GANC: variants seen among roughly 807,000 people sequenced by gnomAD.
The protein encoded by GANC is neutral alpha-glucosidase C.
Under a neutral mutation model 124.2 loss-of-function variants are expected in GANC, and 117 were observed. That is an observed-to-expected ratio of 0.94 (90% CI 0.81 to 1.10). The LOEUF is 1.10. Among genes scored for constraint, GANC ranks in the 50% least tolerant of loss-of-function variants. The pLI is 0.00. For synonymous variants in GANC, 377 were observed against 376.8 expected (o/e 1.00, Z -0.01); for missense variants, 1,140 against 1,095.0 (o/e 1.04, Z -0.58).
intron 11 of GANC, among the ~76,000 whole-genome samples, chr15:42,323,273 G>A (rs907389810): frequency 1.3e-5 from 2 of 152,116 alleles, no homozygotes; most frequent in Non-Finnish European, 2.9e-5. Context: ...ATTTAATGAG[G>A]CCTTGAACCT....
intron 14 of GANC, 47 bp downstream of exon 14, chr15:42,329,496 T>C: frequency 6.4e-7 from 1 of 1,562,848 alleles, no homozygotes. Context: ...GACCCACCTT[T>C]TGGCTGAAGG....
rs1031171280 is a variant in GANC, at chr15:42,352,616, G to A, written c.*477G>A. 47 of 1,000,732 alleles carry A rather than the reference G, an allele frequency of 4.7e-5. No individual in the cohort carries two copies. Among genetic ancestry groups the A allele is most frequent in the Non-Finnish European group, 5.1e-5 (43 of 838,098 alleles). 62.0% of individuals were successfully genotyped at this position (1,000,732 alleles called of 1,614,324 possible). ...AGTTATCTTCCACCCACATGGACTG[G>A]GCAGAGCAGCCCTCTTCTGTGTGCA... On this transcript the variant is annotated 3_prime_UTR_variant, in exon 24 of 24. Transcript: ENST00000318010.
chr15:42,346,160 G>A (rs1048504967), intron 20 of GANC, among the ~76,000 whole-genome samples: 1 of 152,112 alleles, frequency 6.6e-6, no homozygotes, highest in Admixed American at 6.6e-5. Context: ...TTTAACCTTA[G>A]TTAACTCCAT....
intron 10 of GANC, among the ~76,000 whole-genome samples, chr15:42,311,248 G>A (rs115303781): frequency 0.017 from 2,538 of 152,218 alleles, 74 homozygotes; most frequent in African/African-American, 0.059. Flanking sequence ...ACAAGACAAG[G>A]CATTGCATTT....
rs202246273 is a variant in GANC at position 42,348,074 on chromosome 15, G to C, written c.2305-29G>C. On this transcript the variant is annotated intron_variant, in intron 20 of 23. Transcript: ENST00000318010. Reference sequence around the variant, plus strand: ...CTTGAAATTTTCTTATATGAATACTGCTTCCCTGAGCGTGCTGCTCTGTTA... The same window carrying C: ...CTTGAAATTTTCTTATATGAATACTCCTTCCCTGAGCGTGCTGCTCTGTTA... 2.8e-4 allele frequency: 348 copies of C among 1,249,304 alleles called. No individual in the cohort carries two copies. In the African/African-American group the frequency reaches 4.9e-3, roughly 18 times the overall value. The allele number at this position is 1,249,304 out of a possible 1,614,324, so 77.4% of individuals were successfully genotyped here.
intron 6 of GANC, among the ~76,000 whole-genome samples, chr15:42,301,993 C>G (rs1055752663): frequency 2.8e-4 from 42 of 152,324 alleles, no homozygotes; most frequent in South Asian, 1.0e-3. Flanking sequence ...GCACAGTGCT[C>G]GAGCTCTGCT....
At chr15:42,324,142 A>G (rs1659217) in intron 11 of GANC, among the ~76,000 whole-genome samples, 109,265 of 151,774 alleles carry the variant, frequency 0.72, 42,139 homozygotes, top group Non-Finnish European at 0.87. Flanking sequence ...CATCTCTCCA[A>G]AGAAGATACA....
intron 17 of GANC, 72 bp from the exon 18 acceptor site, chr15:42,340,614 AAAAC>A: frequency 5.7e-6 from 7 of 1,227,572 alleles, no homozygotes; most frequent in African/African-American, 1.6e-5. Context: ...AAAAAAAAAA[AAAAC>A]TAAAAATATA....
Position 42,352,389 on chromosome 15 carries a change from CATTT to C in GANC, c.*253_*256del. Reference sequence around the variant, plus strand: ...TTCTCCCTGATACATAGCCCTGAGACATTTATAGCGTTCAGGAGTCTTCTATTGC... The same window carrying C: ...TTCTCCCTGATACATAGCCCTGAGACATAGCGTTCAGGAGTCTTCTATTGC... On this transcript the variant is annotated 3_prime_UTR_variant, in exon 24 of 24. Transcript: ENST00000318010. 1 of 1,267,254 alleles carries C rather than the reference CATTT, an allele frequency of 7.9e-7. No individual in the cohort carries two copies. The allele number at this position is 1,267,254 out of a possible 1,614,324, so 78.5% of individuals were successfully genotyped here.
chr15:42,337,151 A>G (rs139568175), intron 15 of GANC, among the ~76,000 whole-genome samples: 3 of 152,324 alleles, frequency 2.0e-5, no homozygotes, highest in African/African-American at 7.2e-5. Flanking sequence ...CCAAAGGAAT[A>G]CAAATCATTC....
In GANC at chr15:42,310,722, T is replaced by C. The variant is rs754020623; in HGVS notation, c.933T>C (p.Ala311=). 11 of 1,613,432 alleles carry C rather than the reference T, an allele frequency of 6.8e-6. No individual in the cohort carries two copies. The highest frequency in any genetic ancestry group is 5.1e-6 in the Non-Finnish European group (6 of 1,179,344). The change falls in exon 10 of 24, where the codon GCT becomes GCC. Residue 311 remains alanine (A), a synonymous_variant. Transcript: ENST00000318010. ...CACTGACCCAGATGGGCCCAGTTGCTGCTAAACAAAAGGTCAGATCTCGCA... is the reference window on the plus strand; with the variant it reads ...CACTGACCCAGATGGGCCCAGTTGCCGCTAAACAAAAGGTCAGATCTCGCA... ...EYTLTQMGPV[A]AKQKVRSRTH... is the part of the protein sequence containing the mutation.
chr15:42,346,183 T>G (rs2052361567), intron 20 of GANC, among the ~76,000 whole-genome samples: 1 of 152,204 alleles, frequency 6.6e-6, no homozygotes, highest in Non-Finnish European at 1.5e-5. Context: ...AGGCCTGATC[T>G]CCAAATATCT....
rs1294797542 is a variant in GANC, at chr15:42,334,040, T to C, written c.1741+3368T>C. ...AATGGTTCTGAAACAACTGGATATC[T>C]GTGTGGGGAAAAAAATGAAACTACA... On this transcript the variant is annotated intron_variant, in intron 15 of 23. Coordinates refer to ENST00000318010, the MANE Select transcript of GANC (RefSeq NM_198141.3). 2.0e-5 allele frequency among the ~76,000 whole-genome samples: 3 copies of C among 152,148 alleles called. No individual in the cohort carries two copies. The East Asian group carries it at 5.8e-4, about 29-fold the overall frequency.
intron 15 of GANC, among the ~76,000 whole-genome samples, chr15:42,336,915 T>C (rs2052287695): frequency 6.6e-6 from 1 of 152,082 alleles, no homozygotes; most frequent in South Asian, 2.1e-4. Flanking sequence ...GAAAAAAGCA[T>C]ATCAAAACCA....
At chr15:42,323,667 T>G (rs2052178470) in intron 11 of GANC, among the ~76,000 whole-genome samples, 1 of 152,006 alleles carries the variant, frequency 6.6e-6, no homozygotes, top group South Asian at 2.1e-4. Context: ...CATGGCCAAC[T>G]AATTTTTGTA....
chr15:42,338,357 T>C (rs759322263), intron 15 of GANC, 32 bp from the exon 16 acceptor site: 1 of 1,498,420 alleles, frequency 6.7e-7, no homozygotes, highest in East Asian at 2.3e-5. Flanking sequence ...GGTTGATTTG[T>C]GATTTTAATA....
intron 2 of GANC, 37 bp downstream of exon 2, chr15:42,276,447 C>T (rs763987834): frequency 3.3e-5 from 30 of 922,512 alleles, no homozygotes; most frequent in Non-Finnish European, 5.1e-5. Context: ...ATCAAAACAT[C>T]TCTGACAGTA....
At chr15:42,284,037 C>G in intron 3 of GANC, 1 of 701,222 alleles carries the variant, frequency 1.4e-6, no homozygotes, top group Non-Finnish European at 2.6e-6. Flanking sequence ...CCCGGGAGGT[C>G]TTGATCACAG....
rs1325892538 is a variant in GANC at position 42,339,415 on chromosome 15, A to G, written c.1844-254A>G. Among the ~76,000 whole-genome samples the G allele has an allele frequency of 3.3e-5, 5 of 152,084 alleles. No individual in the cohort carries two copies. The East Asian group carries it at 9.7e-4, about 29-fold the overall frequency. ...CTGGGTTATCTGGTTTGGGGAACAT[A>G]CAGGAATATTGATCTTGAAATAAAG... On this transcript the variant is annotated intron_variant, in intron 16 of 23. Coordinates refer to ENST00000318010, the MANE Select transcript of GANC (RefSeq NM_198141.3).
Sources: gnomAD v4.1 joint callset for allele counts (sites outside exome capture counted in the v4.1 genomes callset) on GRCh38, gnomAD v4.1.1 for gene constraint, MANE v1.5 for transcripts, NCBI Gene and HGNC (gene_info 2026-07-23, HGNC 2026-07-21) for gene names.